The following SYN2 variants were observed in gnomAD, a reference collection of about 807,000 sequenced individuals.
The protein encoded by SYN2 is synapsin II.
A neutral mutation model predicts 50.9 loss-of-function variants in SYN2; 19 were observed. The observed-to-expected ratio is 0.37, with a 90% confidence interval of 0.26 to 0.55. The LOEUF (loss-of-function observed/expected upper bound fraction) is 0.55. Ranked by LOEUF, SYN2 falls within the 20% of genes least tolerant of loss-of-function variation. The pLI is 0.81. For synonymous variants in SYN2, 255 were observed against 224.9 expected (o/e 1.13, Z -1.20); for missense variants, 587 against 576.4 (o/e 1.02, Z -0.19).
At chr3:12,148,481 G>A (rs569680573) in intron 4 of SYN2, 1 of 152,394 alleles carries the variant, frequency 6.6e-6, no homozygotes, top group South Asian at 2.1e-4. Flanking sequence ...TCTTTACTAT[G>A]ACTGCTGTTG....
Position 12,187,479 on chromosome 3 carries a change from T to A in SYN2, c.1480T>A (p.Ser494Thr), listed in dbSNP as rs1476842816. 1 of 1,550,898 alleles carries A rather than the reference T, an allele frequency of 6.4e-7. No homozygotes were observed. The highest frequency in any genetic ancestry group is 8.7e-7 in the Non-Finnish European group (1 of 1,146,220). ...PPSSSSSSSS[S>T]SSAPQRPGGP... is the part of the protein sequence containing the mutation. The stretch of plus-strand genomic sequence containing the variant: ...TTCCTCCTCTTCCTCCTCTTCTTCC[T>A]CCTCCTCGGCTCCTCAGCGGCCGGG... Residue 494 changes from serine to threonine, a missense_variant, in exon 12 of 13, where the codon TCC becomes ACC. Physicochemically the swap from Ser to Thr is moderately conservative, Grantham distance 58. Transcript: ENST00000621198.
chr3:12,038,260 A>G (rs1694542714), intron 1 of SYN2, among the ~76,000 whole-genome samples: 1 of 152,198 alleles, frequency 6.6e-6, no homozygotes, highest in African/African-American at 2.4e-5. Context: ...CATTGATGCA[A>G]TAGATTGCAA....
chr3:12,118,087 C>CAACAGAAACAG (rs1263420838), intron 1 of SYN2, among the ~76,000 whole-genome samples: 1 of 152,170 alleles, frequency 6.6e-6, no homozygotes, highest in Non-Finnish European at 1.5e-5. Context: ...ACAGCAGTGA[C>CAACAGAAACAG]CCTTTAGTTA....
chr3:12,004,741 C>T lies in SYN2; in HGVS notation c.190C>T (p.Pro64Ser), dbSNP rs2623876. 6.9e-6 allele frequency: 2 copies of T among 288,082 alleles called. No homozygotes were observed. Among genetic ancestry groups the T allele is most frequent in the African/African-American group, 4.6e-5 (2 of 43,714 alleles). The allele number at this position is 288,082 out of a possible 1,614,324, so 17.8% of individuals were successfully genotyped here. A position where few individuals can be genotyped will look rare whatever the true frequency, so the allele number is the denominator to read the frequency against. ...ASPGPERRPP[P>S]ASAPAPQPAP... ...GCCGGGCCCGGAGCGGAGGCCGCCG[C>T]CCGCCTCGGCGCCCGCGCCGCAGCC... The change falls in exon 1 of 13, where the codon CCC becomes TCC. Residue 64 changes from proline (P) to serine (S), a missense_variant. Physicochemically the swap from Pro to Ser is moderately conservative, Grantham distance 74. Coordinates refer to ENST00000621198, the MANE Select transcript of SYN2 (RefSeq NM_133625.6).
At chr3:12,152,907 T>G in intron 5 of SYN2, 1 of 171,578 alleles carries the variant, frequency 5.8e-6, no homozygotes, top group Non-Finnish European at 1.3e-5. Flanking sequence ...CCAGAAATGG[T>G]ATAGAGGGGA....
chr3:12,057,201 A>C (rs1334190384), intron 1 of SYN2, among the ~76,000 whole-genome samples: 1 of 152,066 alleles, frequency 6.6e-6, no homozygotes, highest in African/African-American at 2.4e-5. Context: ...CTGAGGCAGG[A>C]GAATTGCTTG....
In SYN2 at chr3:12,140,665, G is replaced by A. The variant is rs746172582; in HGVS notation, c.392G>A (p.Arg131Gln). ...EPHADWAKCF[R>Q]GKKVLGDYDI... is the part of the protein sequence containing the mutation. ...CTTTTCTCCAGGGCCAAGTGCTTTC[G>A]GGGCAAAAAAGTCCTTGGAGATTAT... The change falls in exon 2 of 13, where the codon CGG becomes CAG. Residue 131 changes from arginine (R) to glutamine (Q), a missense_variant. Transcript: ENST00000621198. 6.5e-6 allele frequency: 5 copies of A among 763,694 alleles called. No individual in the cohort carries two copies. The highest frequency in any genetic ancestry group is 5.1e-5 in the African/African-American group (3 of 58,930). The allele number at this position is 763,694 out of a possible 1,614,324, so 47.3% of individuals were successfully genotyped here.
At chr3:12,189,318 G>A (rs1698404077) in intron 12 of SYN2, among the ~76,000 whole-genome samples, 1 of 152,206 alleles carries the variant, frequency 6.6e-6, no homozygotes, top group Admixed American at 6.5e-5. Flanking sequence ...GTTTTTCTCT[G>A]TGAACCACTA....
intron 1 of SYN2, among the ~76,000 whole-genome samples, chr3:12,085,987 T>C (rs1695692708): frequency 6.6e-6 from 1 of 151,906 alleles, no homozygotes; most frequent in Non-Finnish European, 1.5e-5. Context: ...ATAAACAATA[T>C]TGACAGTATT....
At chr3:12,071,354 A>G (rs1219489919) in intron 1 of SYN2, 1 of 567,150 alleles carries the variant, frequency 1.8e-6, no homozygotes, top group Non-Finnish European at 3.5e-6. Flanking sequence ...TCCACCGCAA[A>G]TGCTTCTAAA....
chr3:12,013,453 T>G (rs749101854), intron 1 of SYN2, among the ~76,000 whole-genome samples: 1 of 152,168 alleles, frequency 6.6e-6, no homozygotes, highest in Non-Finnish European at 1.5e-5. Flanking sequence ...TTAAGTACAA[T>G]CAGTTCCCTA....
intron 1 of SYN2, among the ~76,000 whole-genome samples, chr3:12,097,847 C>T (rs1339775027): frequency 1.3e-5 from 2 of 151,882 alleles, no homozygotes; most frequent in Non-Finnish European, 2.9e-5. Flanking sequence ...CACACCAGGG[C>T]CTGTTGTGGG....
intron 1 of SYN2, among the ~76,000 whole-genome samples, chr3:12,053,579 T>G (rs1271225575): frequency 6.6e-6 from 1 of 152,162 alleles, no homozygotes; most frequent in Non-Finnish European, 1.5e-5. Context: ...TTTGTATTTA[T>G]ATCAGTGTTT....
At chr3:12,137,266 G>C (rs1443907182) in intron 1 of SYN2, among the ~76,000 whole-genome samples, 1 of 142,758 alleles carries the variant, frequency 7.0e-6, no homozygotes, top group East Asian at 2.0e-4. Flanking sequence ...AAAAAAAAAA[G>C]TCCGTACTGG....
At chr3:12,154,330 G>A in intron 5 of SYN2, 1 of 1,614,166 alleles carries the variant, frequency 6.2e-7, no homozygotes, top group South Asian at 1.1e-5. Flanking sequence ...CCCTTACTTG[G>A]CAGCCACAGT....
At chr3:12,141,379 T>G (rs1263713561) in intron 2 of SYN2, among the ~76,000 whole-genome samples, 1 of 152,232 alleles carries the variant, frequency 6.6e-6, no homozygotes, top group Non-Finnish European at 1.5e-5. Flanking sequence ...TCAAACAACT[T>G]GTTACATAGG....
At chr3:12,139,673 T>C (rs1696972869) in intron 1 of SYN2, among the ~76,000 whole-genome samples, 1 of 152,206 alleles carries the variant, frequency 6.6e-6, no homozygotes, top group Non-Finnish European at 1.5e-5. Flanking sequence ...TATTGGTTTA[T>C]TCCTTCATTT....
chr3:12,082,455 C>T (rs1050412505), intron 1 of SYN2, among the ~76,000 whole-genome samples: 4 of 152,204 alleles, frequency 2.6e-5, no homozygotes, highest in East Asian at 1.9e-4. Flanking sequence ...TCTCAGATGC[C>T]GGCCAAAGGC....
intron 1 of SYN2, among the ~76,000 whole-genome samples, chr3:12,106,589 G>A (rs1696194516): frequency 6.6e-6 from 1 of 152,132 alleles, no homozygotes; most frequent in Non-Finnish European, 1.5e-5. Context: ...AAAAATTAAT[G>A]TGTTGGGAGT....
Sources: allele counts gnomAD v4.1 joint callset (sites outside exome capture counted in the v4.1 genomes callset), GRCh38; gene constraint gnomAD v4.1.1; transcripts MANE v1.5; gene names NCBI Gene and HGNC (gene_info 2026-07-23, HGNC 2026-07-21).